Variants in SCGN observed in about 807,000 individuals in gnomAD.
SCGN encodes the protein secretagogin, EF-hand calcium binding protein.
SCGN carries 30 observed loss-of-function variants against 39.7 expected under a neutral mutation model. The ratio of observed to expected loss-of-function variants is 0.76; its 90% CI spans 0.57 to 1.03. The LOEUF (loss-of-function observed/expected upper bound fraction) is 1.03. Ranked by LOEUF, SCGN falls within the 50% of genes least tolerant of loss-of-function variation. The probability of loss-of-function intolerance (pLI) is 0.00; values close to 1 mark genes in which losing one functional copy is unlikely to be tolerated. For missense variants in SCGN, 353 were observed against 349.4 expected (o/e 1.01, Z -0.08); for synonymous variants, 106 against 114.1 (o/e 0.93, Z 0.45).
intron 2 of SCGN, among the ~76,000 whole-genome samples, chr6:25,657,223 A>G (rs1296675597): frequency 1.3e-5 from 2 of 152,164 alleles, no homozygotes; most frequent in Non-Finnish European, 2.9e-5. Context: ...AGAGAATAAA[A>G]AAAATGTACC....
chr6:25,665,143 G>A (rs1760404817), intron 4 of SCGN, 111 bp downstream of exon 4: 1 of 813,228 alleles, frequency 1.2e-6, no homozygotes, highest in African/African-American at 1.7e-5. Context: ...GGAGAGCTGA[G>A]CACAGAGGAT....
intron 6 of SCGN, among the ~76,000 whole-genome samples, chr6:25,674,102 A>G (rs1759535495): frequency 6.6e-6 from 1 of 152,160 alleles, no homozygotes; most frequent in Admixed American, 6.5e-5. Context: ...ATCTGCCCCC[A>G]TGATTCATCA....
At chr6:25,665,159 C>G (rs1378174149) in intron 4 of SCGN, 127 bp downstream of exon 4, 5 of 682,440 alleles carry the variant, frequency 7.3e-6, no homozygotes, top group Non-Finnish European at 1.2e-5. Context: ...AGGATAAGAC[C>G]AAGCAAAAAA....
chr6:25,681,612 A>G (rs879538022), intron 6 of SCGN, among the ~76,000 whole-genome samples: 6 of 152,216 alleles, frequency 3.9e-5, no homozygotes, highest in Non-Finnish European at 8.8e-5. Context: ...TCTTTCTGCC[A>G]TGGCAATCAG....
chr6:25,652,578 A>G, intron 1 of SCGN, 93 bp downstream of exon 1: 1 of 1,202,454 alleles, frequency 8.3e-7, no homozygotes, highest in Non-Finnish European at 1.2e-6. Flanking sequence ...TTACTGTAGG[A>G]AAAGTTATCG....
At chr6:25,693,424 C>G (rs1166334732) in intron 10 of SCGN, among the ~76,000 whole-genome samples, 1 of 135,970 alleles carries the variant, frequency 7.4e-6, no homozygotes, top group Non-Finnish European at 1.5e-5. Flanking sequence ...TGCACTCCAG[C>G]CTGGGCAACA....
intron 7 of SCGN, among the ~76,000 whole-genome samples, chr6:25,688,038 C>G (rs1343855279): frequency 6.6e-6 from 1 of 152,112 alleles, no homozygotes; most frequent in African/African-American, 2.4e-5. Flanking sequence ...ATATTGTGTG[C>G]TCCACAACAT....
At chr6:25,694,523 A>G (rs1163737331) in intron 10 of SCGN, among the ~76,000 whole-genome samples, 1 of 152,234 alleles carries the variant, frequency 6.6e-6, no homozygotes, top group Non-Finnish European at 1.5e-5. Context: ...GGGCAGCACA[A>G]AGGCACCTCT....
At chr6:25,700,956 G>A (rs1230948950) in intron 10 of SCGN, among the ~76,000 whole-genome samples, 1 of 152,148 alleles carries the variant, frequency 6.6e-6, no homozygotes, top group Non-Finnish European at 1.5e-5. Context: ...CTTTTTCTAA[G>A]AACTGCAGGG....
intron 6 of SCGN, among the ~76,000 whole-genome samples, chr6:25,673,103 T>G (rs1759521501): frequency 6.6e-6 from 1 of 152,182 alleles, no homozygotes; most frequent in Admixed American, 6.5e-5. Flanking sequence ...CCAGCTATGA[T>G]GAAACCATGA....
Position 25,670,072 on chromosome 6 carries a change from C to G in SCGN, c.467C>G (p.Thr156Ser), listed in dbSNP as rs1331407739. ...SEAKLEEYTG[T>S]MMKIFDRNKD... Reference sequence around the variant, plus strand: ...GCTAAACTGGAAGAATACACTGGCACCATGGTAAGTAATGAGTAATGTAAT... The same window carrying G: ...GCTAAACTGGAAGAATACACTGGCAGCATGGTAAGTAATGAGTAATGTAAT... Residue 156 changes from threonine (T) to serine (S), a missense_variant, in exon 6 of 11, where the codon ACC (threonine) becomes AGC (serine). Physicochemically the swap from Thr to Ser is moderately conservative, Grantham distance 58. Coordinates refer to ENST00000377961, the MANE Select transcript of SCGN (RefSeq NM_006998.4). The G allele has an allele frequency of 6.2e-7, 1 of 1,608,016 alleles. No individual in the cohort carries two copies. Among genetic ancestry groups the G allele is most frequent in the Non-Finnish European group, 8.5e-7 (1 of 1,174,526 alleles).
chr6:25,685,277 G>C (rs1037362881), intron 7 of SCGN, among the ~76,000 whole-genome samples: 2 of 152,196 alleles, frequency 1.3e-5, no homozygotes, highest in African/African-American at 4.8e-5. Flanking sequence ...GCAGCACTAG[G>C]AAACTAATAC....
chr6:25,653,729 T>C (rs1306406686), intron 2 of SCGN, among the ~76,000 whole-genome samples: 1 of 152,194 alleles, frequency 6.6e-6, no homozygotes, highest in Non-Finnish European at 1.5e-5. Flanking sequence ...GTCTTGAACG[T>C]CTCCTTGGTT....
At position 25,653,450 on chromosome 6, in the gene SCGN, G is replaced by A; in HGVS notation, c.151G>A (p.Asp51Asn). ...FLHMLMKLGT[D>N]DTVMKANLHK... ...CCACATGTTGATGAAACTGGGTACT[G>A]ATGTAAGTACTTGCACACTAAGCCT... is the stretch of plus-strand genomic sequence containing the variant. Residue 51 changes from aspartate to asparagine, a missense_variant and splice_region_variant, in exon 2 of 11, where the codon GAT becomes AAT. Transcript: ENST00000377961. 1 of 1,610,198 alleles carries A rather than the reference G, an allele frequency of 6.2e-7. No homozygotes were observed. The highest frequency in any genetic ancestry group is 2.2e-5 in the East Asian group (1 of 44,782).
chr6:25,652,568 T>G, intron 1 of SCGN, 83 bp downstream of exon 1: 1 of 1,322,626 alleles, frequency 7.6e-7, no homozygotes, highest in Non-Finnish European at 1.1e-6. Context: ...AGTTTCCCCT[T>G]TACTGTAGGA....
At chr6:25,689,938 A>T (rs1759755044) in intron 9 of SCGN, among the ~76,000 whole-genome samples, 1 of 152,210 alleles carries the variant, frequency 6.6e-6, no homozygotes, top group Non-Finnish European at 1.5e-5. Context: ...CAATTATTTG[A>T]TGAAAAGGGG....
chr6:25,685,042 T>A (rs1210691219), intron 7 of SCGN, among the ~76,000 whole-genome samples: 1 of 152,054 alleles, frequency 6.6e-6, no homozygotes, highest in East Asian at 1.9e-4. Flanking sequence ...GATTTGAAAA[T>A]GCTAGTTGCT....
rs1759749157 is a variant in SCGN, at chr6:25,689,498, G to A, written c.599G>A (p.Arg200Lys). ...MDACSTEERK[R>K]DFEKIFAYYD... Reference sequence around the variant, plus strand: ...GCTTGTTCTACTGAAGAAAGGAAAAGGGACTTTGAGAAAATCTTTGCCTAC... The same window carrying A: ...GCTTGTTCTACTGAAGAAAGGAAAAAGGACTTTGAGAAAATCTTTGCCTAC... Residue 200 changes from arginine (R) to lysine (K), a missense_variant, in exon 9 of 11, where the codon AGG (arginine) becomes AAG (lysine). Arg to Lys is a conservative substitution (Grantham distance 26, BLOSUM62 2). Transcript: ENST00000377961. The A allele has an allele frequency of 1.9e-6, 3 of 1,613,754 alleles. No homozygotes were observed. Among genetic ancestry groups the A allele is most frequent in the African/African-American group, 1.3e-5 (1 of 74,918 alleles).
chr6:25,652,309 A>C lies in SCGN; in HGVS notation c.-95A>C, dbSNP rs111709794. The C allele has an allele frequency of 1.3e-5, 12 of 948,658 alleles. No individual in the cohort carries two copies. The highest frequency in any genetic ancestry group is 8.1e-5 in the African/African-American group (5 of 61,594). The allele number at this position is 948,658 out of a possible 1,614,324, so 58.8% of individuals were successfully genotyped here. ...CTCAAAGCTAATCAGATAGCGAAAGAAGCAGGAGAGCAAGTCAAGAAATAC... is the reference window on the plus strand; with the variant it reads ...CTCAAAGCTAATCAGATAGCGAAAGCAGCAGGAGAGCAAGTCAAGAAATAC... On this transcript the variant is annotated 5_prime_UTR_variant, in exon 1 of 11. Transcript: ENST00000377961.
Sources: gnomAD v4.1 joint callset for allele counts (sites outside exome capture counted in the v4.1 genomes callset) on GRCh38, gnomAD v4.1.1 for gene constraint, MANE v1.5 for transcripts, NCBI Gene and HGNC (gene_info 2026-07-23, HGNC 2026-07-21) for gene names.